Variants in UPB1 observed in about 807,000 individuals in gnomAD.
UPB1 encodes the protein beta-ureidopropionase 1.
Under a neutral mutation model 49.1 loss-of-function variants are expected in UPB1, and 40 were observed. The ratio of observed to expected loss-of-function variants is 0.81; its 90% CI spans 0.63 to 1.06. UPB1 has a LOEUF of 1.06. Ranked by LOEUF, UPB1 falls within the 50% of genes least tolerant of loss-of-function variation. The pLI is 0.00. For missense variants in UPB1, 499 were observed against 505.9 expected, an observed-to-expected ratio of 0.99 and a Z score of 0.13; for synonymous variants, 207 against 198.2, an observed-to-expected ratio of 1.04 and a Z score of -0.38.
chr22:24,499,671 C>T (rs2043954948), intron 1 of UPB1, among the ~76,000 whole-genome samples: 1 of 152,172 alleles, frequency 6.6e-6, no homozygotes, highest in Non-Finnish European at 1.5e-5. Flanking sequence ...CTCCTGAGCC[C>T]CATTTTCCAA....
chr22:24,510,725 T>G, intron 3 of UPB1, 24 bp from the exon 4 acceptor site: 1 of 1,612,194 alleles, frequency 6.2e-7, no homozygotes, highest in South Asian at 1.1e-5. Flanking sequence ...TTGGATATAA[T>G]TCTGCCCTTT....
At chr22:24,498,517 G>A (rs749213422) in intron 1 of UPB1, among the ~76,000 whole-genome samples, 3 of 152,216 alleles carry the variant, frequency 2.0e-5, no homozygotes, top group Non-Finnish European at 4.4e-5. Flanking sequence ...AGCCCCAAAG[G>A]TGGCTGTCCT....
At position 24,523,513 on chromosome 22, in the gene UPB1, T is replaced by A; in HGVS notation, c.917-106T>A. 10 of 1,520,916 alleles carry A rather than the reference T, an allele frequency of 6.6e-6. 1 individual carries two copies. The highest frequency in any genetic ancestry group is 9.0e-6 in the Non-Finnish European group (10 of 1,105,568). 94.2% of individuals were successfully genotyped at this position (1,520,916 alleles called of 1,614,324 possible). On this transcript the variant is annotated intron_variant, in intron 8 of 9. Coordinates refer to ENST00000326010, the MANE Select transcript of UPB1 (RefSeq NM_016327.3). The stretch of plus-strand genomic sequence containing the variant: ...AGCATTTGGCAGACACTGGGGAGGA[T>A]GGCATGGACTCCGTGTCCTGGGCCT...
In UPB1 at chr22:24,501,657, G is replaced by A. The variant is rs181375471; in HGVS notation, c.277-469G>A. Among the ~76,000 whole-genome samples the A allele has an allele frequency of 2.8e-3, 422 of 152,334 alleles. 3 individuals carry two copies. The highest frequency in any genetic ancestry group is 0.017 in the South Asian group (81 of 4,824). On this transcript the variant is annotated intron_variant, in intron 2 of 9. Coordinates refer to ENST00000326010, the MANE Select transcript of UPB1 (RefSeq NM_016327.3). ...CAGGGCACAGCACACACCAAAGCAC[G>A]GGGATTTAAAAGAGCCAGAGAGGCG... is the stretch of plus-strand genomic sequence containing the variant.
At chr22:24,522,340 C>G (rs1429717158) in intron 8 of UPB1, among the ~76,000 whole-genome samples, 5 of 152,148 alleles carry the variant, frequency 3.3e-5, no homozygotes, top group African/African-American at 9.7e-5. Flanking sequence ...GTGCTCTCAT[C>G]CAGCCCATAG....
chr22:24,504,269 G>A (rs1461318621), intron 3 of UPB1, among the ~76,000 whole-genome samples: 1 of 152,206 alleles, frequency 6.6e-6, no homozygotes, highest in African/African-American at 2.4e-5. Flanking sequence ...AACTTTTTGA[G>A]GCCTTGCCCA....
In UPB1 at chr22:24,513,485, G is replaced by A; in HGVS notation, c.621G>A (p.Glu207=). ...TCCCCAGAGTGGGTGATTTCAACGA[G>A]GTGAGCCACCCATAAGATAGATAAC... ...NHIPRVGDFN[E]STYYMEGNLG... Residue 207 remains glutamate, a splice_region_variant and synonymous_variant, in exon 5 of 10, where the codon GAG becomes GAA. Coordinates refer to ENST00000326010, the MANE Select transcript of UPB1 (RefSeq NM_016327.3). The A allele has an allele frequency of 3.7e-6, 6 of 1,613,742 alleles. No homozygotes were observed. Among genetic ancestry groups the A allele is most frequent in the Non-Finnish European group, 5.1e-6 (6 of 1,179,906 alleles).
intron 6 of UPB1, among the ~76,000 whole-genome samples, chr22:24,516,907 G>A (rs1444831077): frequency 3.3e-5 from 5 of 152,030 alleles, no homozygotes; most frequent in Admixed American, 6.5e-5. Context: ...TGTATTTTTC[G>A]TAGAGATGGG....
intron 3 of UPB1, among the ~76,000 whole-genome samples, chr22:24,508,772 T>A (rs2044138630): frequency 6.6e-6 from 1 of 150,862 alleles, no homozygotes; most frequent in Non-Finnish European, 1.5e-5. Flanking sequence ...TTTCAGCTAC[T>A]TGGGAGGCTG....
chr22:24,519,873 A>ACCAGGCCCC, intron 6 of UPB1: 1 of 242,380 alleles, frequency 4.1e-6, no homozygotes, highest in East Asian at 1.1e-4. Context: ...GCACAAGCCC[A>ACCAGGCCCC]CCAGGCCCCC....
At chr22:24,504,837 C>T (rs1206085681) in intron 3 of UPB1, among the ~76,000 whole-genome samples, 1 of 149,872 alleles carries the variant, frequency 6.7e-6, no homozygotes, top group Non-Finnish European at 1.5e-5. Flanking sequence ...AAGCAATCCT[C>T]CCGCCCCAGC....
At chr22:24,499,332 C>T (rs1454216257) in intron 1 of UPB1, among the ~76,000 whole-genome samples, 1 of 152,166 alleles carries the variant, frequency 6.6e-6, no homozygotes, top group Admixed American at 6.5e-5. Flanking sequence ...ATGGTAAGCC[C>T]TTCCTGGCTA....
rs143438140 is a variant in UPB1 at position 24,515,254 on chromosome 22, C to T, written c.675C>T (p.Phe225=). The change falls in exon 6 of 10, where the codon TTC becomes TTT. Residue 225 remains phenylalanine (F), a synonymous_variant. Transcript: ENST00000326010. ...GCCACCCCGTGTTCCAGACGCAGTT[C>T]GGAAGGATCGCGGTGAACATTTGCT... ...NLGHPVFQTQ[F]GRIAVNICYG... 35 of 1,614,060 alleles carry T rather than the reference C, an allele frequency of 2.2e-5. No homozygotes were observed. Among genetic ancestry groups the T allele is most frequent in the African/African-American group, 1.7e-4 (13 of 74,908 alleles).
At position 24,509,257 on chromosome 22, in the gene UPB1, G is replaced by A. The variant is rs141732892; in HGVS notation, c.365-1492G>A. Among the ~76,000 whole-genome samples, 70 of 151,100 alleles carry A rather than the reference G, an allele frequency of 4.6e-4. 2 individuals are homozygous for A. In the East Asian group the frequency reaches 0.013, roughly 29 times the overall value. ...AAAGGTCCCAAGGGCCCACCCCAGC[G>A]GAGTCCCCTCCATCCCCTGCATAGG... On this transcript the variant is annotated intron_variant, in intron 3 of 9. Transcript: ENST00000326010.
Position 24,523,705 on chromosome 22 carries a change from G to A in UPB1, c.1003G>A (p.Asp335Asn), listed in dbSNP as rs1217160746. 4 of 1,614,178 alleles carry A rather than the reference G, an allele frequency of 2.5e-6. No homozygotes were observed. The highest frequency in any genetic ancestry group is 3.4e-6 in the Non-Finnish European group (4 of 1,180,064). ...GACTCCTGGGCTGTCCCGTAGCCGG[G>A]ATGGACTGCTAGTTGCTAAGCTCGA... ...SRTPGLSRSR[D>N]GLLVAKLDLN... Residue 335 changes from aspartate to asparagine, a missense_variant, in exon 9 of 10, where the codon GAT (aspartate) becomes AAT (asparagine). By Grantham distance (23) the Asp-to-Asn change is conservative. Transcript: ENST00000326010.
intron 7 of UPB1, among the ~76,000 whole-genome samples, chr22:24,520,695 C>A (rs1453519951): frequency 6.6e-6 from 1 of 152,216 alleles, no homozygotes; most frequent in Non-Finnish European, 1.5e-5. Flanking sequence ...CACCCTATCA[C>A]CTCCAAGTAT....
rs1007762284 is a variant in UPB1, at chr22:24,526,418, G to A, written c.*624G>A. On this transcript the variant is annotated 3_prime_UTR_variant, in exon 10 of 10. Coordinates refer to ENST00000326010, the MANE Select transcript of UPB1 (RefSeq NM_016327.3). The stretch of plus-strand genomic sequence containing the variant: ...AGAAGGCCTAAAGAACAGAGCTAAG[G>A]GTTTCCCTGAGGAAGAAATTCTGCC... The A allele has an allele frequency of 1.2e-5, 2 of 160,054 alleles. No individual in the cohort carries two copies. The highest frequency in any genetic ancestry group is 4.8e-5 in the African/African-American group (2 of 41,504). The allele number at this position is 160,054 out of a possible 1,614,324, so 9.9% of individuals were successfully genotyped here. A position where few individuals can be genotyped will look rare whatever the true frequency, so the allele number is the denominator to read the frequency against.
At position 24,495,337 on chromosome 22, in the gene UPB1, C is replaced by A; in HGVS notation, c.-67C>A. ...AAGGGCGCCTGACCGGGCCTGGGCA[C>A]CTCCTCCCACTGCGGGCAAAGGGCA... On this transcript the variant is annotated 5_prime_UTR_variant, in exon 1 of 10. Coordinates refer to ENST00000326010, the MANE Select transcript of UPB1 (RefSeq NM_016327.3). 6.4e-7 allele frequency: 1 copy of A among 1,564,872 alleles called. No individual in the cohort carries two copies. Among genetic ancestry groups the A allele is most frequent in the Non-Finnish European group, 8.7e-7 (1 of 1,143,048 alleles).
rs778041589 is a variant in UPB1, at chr22:24,520,464, G to A, written c.869G>A (p.Gly290Asp). The A allele has an allele frequency of 1.9e-6, 3 of 1,613,844 alleles. No homozygotes were observed. Among genetic ancestry groups the A allele is most frequent in the South Asian group, 2.2e-5 (2 of 91,054 alleles). The change falls in exon 7 of 10, where the codon GGC becomes GAC. Residue 290 changes from glycine to aspartate, a missense_variant. Coordinates refer to ENST00000326010, the MANE Select transcript of UPB1 (RefSeq NM_016327.3). ...HCFTCAINRVGTEHFPNEFTS... is the reference protein window; with the variant it reads ...HCFTCAINRVDTEHFPNEFTS... ...TTCACCTGCGCCATCAATCGAGTGGGCACCGTAAGTCCCGAGGTCTGGCTG... is the reference window on the plus strand; with the variant it reads ...TTCACCTGCGCCATCAATCGAGTGGACACCGTAAGTCCCGAGGTCTGGCTG...
Sources: gnomAD v4.1 joint callset for allele counts (sites outside exome capture counted in the v4.1 genomes callset) on GRCh38, gnomAD v4.1.1 for gene constraint, MANE v1.5 for transcripts, NCBI Gene and HGNC (gene_info 2026-07-23, HGNC 2026-07-21) for gene names.